The following CD226 variants were observed in gnomAD, a reference collection of about 807,000 sequenced individuals.
The protein encoded by CD226 is CD226 molecule, also known as CD226 antigen.
In CD226, 24 loss-of-function variants were observed where a neutral mutation model predicts 34.9. That is an observed-to-expected ratio of 0.69 (90% confidence interval 0.50 to 0.97). The LOEUF is 0.97. CD226 is among the 50% of genes least tolerant of loss of function. The probability of loss-of-function intolerance (pLI) is 0.00; values close to 1 mark genes in which losing one functional copy is unlikely to be tolerated. For missense variants in CD226, 397 were observed against 412.7 expected, an observed-to-expected ratio of 0.96 and a Z score of 0.33; for synonymous variants, 148 against 147.4, an observed-to-expected ratio of 1.00 and a Z score of -0.03.
intron 2 of CD226, among the ~76,000 whole-genome samples, chr18:69,911,102 A>G (rs1298483681): frequency 6.6e-6 from 1 of 152,258 alleles, no homozygotes; most frequent in Non-Finnish European, 1.5e-5. Context: ...GTTAATTGAA[A>G]TGGTCCAACA....
intron 3 of CD226, among the ~76,000 whole-genome samples, chr18:69,885,760 G>T (rs999652276): frequency 1.3e-5 from 2 of 152,102 alleles, no homozygotes; most frequent in Admixed American, 6.5e-5. Flanking sequence ...ACCTGATTGT[G>T]CCTGTCCCTC....
intron 2 of CD226, among the ~76,000 whole-genome samples, chr18:69,923,344 G>T (rs1307929889): frequency 1.3e-5 from 2 of 152,120 alleles, no homozygotes; most frequent in African/African-American, 4.8e-5. Context: ...AGAATTGGGG[G>T]CCAGGAGTGG....
upstream of CD226, among the ~76,000 whole-genome samples, chr18:69,949,970 TCA>T (rs1375819784): frequency 1.3e-5 from 2 of 148,796 alleles, no homozygotes; most frequent in African/African-American, 2.5e-5. Context: ...GCTCTCACAC[TCA>T]CATATGCACA....
chr18:69,874,381 T>A (rs182242427), intron 3 of CD226, among the ~76,000 whole-genome samples: 1 of 152,166 alleles, frequency 6.6e-6, no homozygotes, highest in Admixed American at 6.5e-5. Context: ...TGTGAGTGCC[T>A]CCCACAGGGA....
At chr18:69,890,064 T>A (rs1255836022) in intron 3 of CD226, among the ~76,000 whole-genome samples, 3 of 152,166 alleles carry the variant, frequency 2.0e-5, no homozygotes, top group Non-Finnish European at 4.4e-5. Context: ...TCAGTTTCTT[T>A]GATCAACAAT....
chr18:69,906,491 T>C (rs2055254966), intron 2 of CD226, among the ~76,000 whole-genome samples: 1 of 152,026 alleles, frequency 6.6e-6, no homozygotes, highest in South Asian at 2.1e-4. Context: ...CACAAGGTCC[T>C]CTGGTCTTGC....
In CD226 at chr18:69,859,027, T is replaced by C. The variant is rs1281771611; in HGVS notation, c.*5287A>G. ...TGCTTACAACCAATACCCCCAACTTTTACAGACACAAAAGCAAACATAATA... is the reference window on the plus strand; with the variant it reads ...TGCTTACAACCAATACCCCCAACTTCTACAGACACAAAAGCAAACATAATA... On this transcript the variant is annotated 3_prime_UTR_variant, in exon 6 of 6. Coordinates refer to ENST00000582621, the MANE Select transcript of CD226 (RefSeq NM_001303618.2). 1 of 152,064 alleles carries C rather than the reference T, an allele frequency of 6.6e-6. No homozygotes were observed. Among genetic ancestry groups the C allele is most frequent in the Non-Finnish European group, 1.5e-5 (1 of 68,014 alleles). 9.4% of individuals were successfully genotyped at this position (152,064 alleles called of 1,614,324 possible).
Position 69,856,394 on chromosome 18 carries a change from T to C in CD226, c.*7920A>G, listed in dbSNP as rs1263270318. ...GATCACTTGATCTGTCAGTATGTGA[T>C]AGATCAAGAAGAGGGAAAATCAGAA... On this transcript the variant is annotated 3_prime_UTR_variant, in exon 6 of 6. Transcript: ENST00000582621. The C allele has an allele frequency of 6.6e-6, 1 of 152,198 alleles. No homozygotes were observed. The allele number at this position is 152,198 out of a possible 1,614,324, so 9.4% of individuals were successfully genotyped here. A position where few individuals can be genotyped will look rare whatever the true frequency, so the allele number is the denominator to read the frequency against.
intron 2 of CD226, among the ~76,000 whole-genome samples, chr18:69,927,408 A>T (rs1226641236): frequency 6.6e-6 from 1 of 152,012 alleles, no homozygotes; most frequent in Non-Finnish European, 1.5e-5. Flanking sequence ...ACACACACAT[A>T]TACCATCTTA....
At chr18:69,904,368 C>A (rs1474768756) in intron 2 of CD226, among the ~76,000 whole-genome samples, 1 of 152,160 alleles carries the variant, frequency 6.6e-6, no homozygotes, top group Admixed American at 6.5e-5. Flanking sequence ...ATGCAGGCCC[C>A]GGCAGCTTTG....
At chr18:69,870,072 G>C (rs1320548754) in intron 4 of CD226, among the ~76,000 whole-genome samples, 1 of 151,728 alleles carries the variant, frequency 6.6e-6, no homozygotes, top group Non-Finnish European at 1.5e-5. Flanking sequence ...AAAGTGCTGG[G>C]ATTACAGGCG....
intron 2 of CD226, among the ~76,000 whole-genome samples, chr18:69,934,403 T>A (rs929285369): frequency 6.6e-6 from 1 of 152,278 alleles, no homozygotes; most frequent in African/African-American, 2.4e-5. Context: ...GGAACAAGTA[T>A]GTTCTTAAGA....
intron 1 of CD226, among the ~76,000 whole-genome samples, chr18:69,956,446 C>T (rs1599040100): frequency 6.6e-6 from 1 of 152,124 alleles, no homozygotes; most frequent in Non-Finnish European, 1.5e-5. Flanking sequence ...GACCAGATGC[C>T]GGTAAAATTA....
At chr18:69,893,767 A>G (rs1985041982) in intron 3 of CD226, among the ~76,000 whole-genome samples, 1 of 152,164 alleles carries the variant, frequency 6.6e-6, no homozygotes, top group Non-Finnish European at 1.5e-5. Flanking sequence ...TTCTAAGTCC[A>G]ATGTATGTCT....
chr18:69,956,148 G>A lies in CD226; in HGVS notation c.-28+607C>T, dbSNP rs147864281. Among the ~76,000 whole-genome samples, 21 of 152,344 alleles carry A rather than the reference G, an allele frequency of 1.4e-4. No homozygotes were observed. The East Asian group carries it at 3.5e-3, about 25-fold the overall frequency. ...TGAAACTATGGCCTGAGGGCTGGGC[G>A]CAGCCCACTGATTTCCATAAACAGT... On this transcript the variant is annotated intron_variant, in intron 1 of 6. Coordinates refer to the CD226 transcript ENST00000280200.
intron 4 of CD226, among the ~76,000 whole-genome samples, chr18:69,872,470 C>T (rs376124188): frequency 3.9e-5 from 6 of 152,028 alleles, no homozygotes; most frequent in African/African-American, 1.4e-4. Flanking sequence ...AGGCTGGACT[C>T]GAACTCTTGG....
At chr18:69,926,274 C>G (rs1405874901) in intron 2 of CD226, among the ~76,000 whole-genome samples, 2 of 151,980 alleles carry the variant, frequency 1.3e-5, no homozygotes, top group African/African-American at 4.8e-5. Context: ...CTTACATCTC[C>G]CGCTTTGTAT....
chr18:69,899,636 TCAAAA>T (rs1985488614), intron 2 of CD226, among the ~76,000 whole-genome samples: 2 of 152,180 alleles, frequency 1.3e-5, no homozygotes, highest in African/African-American at 4.8e-5. Flanking sequence ...CAGACACTTC[TCAAAA>T]GAAGACATAT....
intron 5 of CD226, among the ~76,000 whole-genome samples, chr18:69,866,126 T>C (rs1158048682): frequency 6.6e-6 from 1 of 152,230 alleles, no homozygotes; most frequent in Non-Finnish European, 1.5e-5. Context: ...AAGCAAGCTC[T>C]TCTGTCCTTA....
Sources: gnomAD v4.1 joint callset for allele counts (sites outside exome capture counted in the v4.1 genomes callset) on GRCh38, gnomAD v4.1.1 for gene constraint, MANE v1.5 for transcripts, NCBI Gene and HGNC (gene_info 2026-07-23, HGNC 2026-07-21) for gene names.